Variants in AKAP13 observed in about 807,000 individuals in gnomAD.
The protein encoded by AKAP13 is A-kinase anchoring protein 13, also known as A-kinase anchor protein 13.
Under a neutral mutation model 264.5 loss-of-function variants are expected in AKAP13, and 80 were observed. The observed-to-expected ratio is 0.30, with a 90% CI of 0.25 to 0.36. AKAP13 has a LOEUF of 0.36. AKAP13 is among the 10% of genes least tolerant of loss of function. The probability of loss-of-function intolerance (pLI) is 1.00; values close to 1 mark genes in which losing one functional copy is unlikely to be tolerated. For missense variants in AKAP13, 3,712 were observed against 3,435.2 expected (o/e 1.08, Z -2.01); for synonymous variants, 1,380 against 1,250.2 (o/e 1.10, Z -2.19).
intron 6 of AKAP13, among the ~76,000 whole-genome samples, chr15:85,576,233 A>G (rs1433936964): frequency 1.3e-5 from 2 of 152,228 alleles, no homozygotes; most frequent in Non-Finnish European, 2.9e-5. Context: ...TAACTTTACA[A>G]AATGAAAGAA....
rs2079133263 is a variant in AKAP13, at chr15:85,580,930, A to C, written c.2862A>C (p.Pro954=). 53 of 1,614,128 alleles carry C rather than the reference A, an allele frequency of 3.3e-5. No homozygotes were observed. Among genetic ancestry groups the C allele is most frequent in the Non-Finnish European group, 4.5e-5 (53 of 1,180,024 alleles). The change falls in exon 7 of 37, where the codon CCA becomes CCC. Residue 954 remains proline (P), a synonymous_variant. Coordinates refer to ENST00000394518, the MANE Select transcript of AKAP13 (RefSeq NM_007200.5). ...CTTTGCAGGAAGAGCAGAGAACACCACCTCCTGGACAAGATACTCAACAAT... is the reference window on the plus strand; with the variant it reads ...CTTTGCAGGAAGAGCAGAGAACACCCCCTCCTGGACAAGATACTCAACAAT... ...SGTLQEEQRT[P]PPGQDTQQFH... is the part of the protein sequence containing the mutation.
intron 1 of AKAP13, among the ~76,000 whole-genome samples, chr15:85,442,504 T>A (rs1169287975): frequency 8.0e-5 from 8 of 100,034 alleles, no homozygotes; most frequent in South Asian, 6.0e-4. Context: ...TATATTATAT[T>A]ATATATAATA....
chr15:85,415,181 C>A, intron 1 of AKAP13: 2 of 1,196,194 alleles, frequency 1.7e-6, no homozygotes, highest in Non-Finnish European at 2.4e-6. Flanking sequence ...CACGCTGCCA[C>A]GCCGACGCAG....
intron 5 of AKAP13, among the ~76,000 whole-genome samples, chr15:85,550,226 A>G (rs1158841591): frequency 6.6e-6 from 1 of 152,074 alleles, no homozygotes; most frequent in Admixed American, 6.5e-5. Context: ...TCTCTGTTTT[A>G]TAATTGAGGA....
chr15:85,543,230 T>C (rs1469281043), intron 4 of AKAP13, among the ~76,000 whole-genome samples: 2 of 152,200 alleles, frequency 1.3e-5, no homozygotes, highest in Non-Finnish European at 2.9e-5. Context: ...CCTTATTGTG[T>C]AGGAATAAAA....
At chr15:85,733,858 T>C (rs1443828114) in intron 30 of AKAP13, among the ~76,000 whole-genome samples, 2 of 146,892 alleles carry the variant, frequency 1.4e-5, no homozygotes, top group Non-Finnish European at 3.0e-5. Context: ...TTTGTCATTT[T>C]CTTTTCTTTC....
chr15:85,420,163 G>C (rs796259818), intron 1 of AKAP13, among the ~76,000 whole-genome samples: 5 of 151,354 alleles, frequency 3.3e-5, no homozygotes, highest in African/African-American at 1.2e-4. Flanking sequence ...GGATGGTCTC[G>C]ATCTCCTGAC....
At chr15:85,710,363 G>C in intron 18 of AKAP13, 1 of 437,506 alleles carries the variant, frequency 2.3e-6, no homozygotes, top group South Asian at 4.1e-5. Flanking sequence ...GGTGAGAAAA[G>C]CATTCCAGGC....
intron 1 of AKAP13, among the ~76,000 whole-genome samples, chr15:85,381,350 T>C (rs2070246537): frequency 6.6e-6 from 1 of 151,848 alleles, no homozygotes; most frequent in Admixed American, 6.6e-5. Context: ...TCTCCGCGGC[T>C]TCTCGGGGGT....
At chr15:85,611,421 C>T (rs1272072418) in intron 8 of AKAP13, among the ~76,000 whole-genome samples, 1 of 152,210 alleles carries the variant, frequency 6.6e-6, no homozygotes, top group Non-Finnish European at 1.5e-5. Context: ...TTGTTCAGGA[C>T]AGAAACCTAG....
Position 85,684,756 on chromosome 15 carries a change from C to G in AKAP13, c.5172C>G (p.Asn1724Lys). 6.2e-7 allele frequency: 1 copy of G among 1,612,598 alleles called. No individual in the cohort carries two copies. The highest frequency in any genetic ancestry group is 1.3e-5 in the African/African-American group (1 of 75,010). ...ANLTESITEE[N>K]YNFLPHSPSK... ...TTTTATTTAGTATAACAGAAGAGAACTATAATTTCCTGCCACATAGCCCCT... is the reference window on the plus strand; with the variant it reads ...TTTTATTTAGTATAACAGAAGAGAAGTATAATTTCCTGCCACATAGCCCCT... Residue 1724 changes from asparagine to lysine, a missense_variant, in exon 16 of 37, where the codon AAC (asparagine) becomes AAG (lysine). Asn to Lys is a moderately conservative substitution (Grantham distance 94). Coordinates refer to ENST00000394518, the MANE Select transcript of AKAP13 (RefSeq NM_007200.5).
At chr15:85,722,970 C>T in intron 25 of AKAP13, 102 bp from the exon 26 acceptor site, 1 of 1,454,990 alleles carries the variant, frequency 6.9e-7, no homozygotes, top group Non-Finnish European at 9.3e-7. Flanking sequence ...ATAGCATAGT[C>T]ACAAAGGGAA....
At chr15:85,455,941 T>A (rs2074267007) in intron 1 of AKAP13, among the ~76,000 whole-genome samples, 1 of 152,234 alleles carries the variant, frequency 6.6e-6, no homozygotes, top group Non-Finnish European at 1.5e-5. Context: ...ATAGTGTGAC[T>A]TATTTATTCT....
chr15:85,482,312 C>G (rs964325565), intron 1 of AKAP13, among the ~76,000 whole-genome samples: 2 of 152,144 alleles, frequency 1.3e-5, no homozygotes, highest in Non-Finnish European at 2.9e-5. Context: ...GCTATTCCTT[C>G]TTCTGTTTTA....
intron 5 of AKAP13, among the ~76,000 whole-genome samples, chr15:85,566,405 C>T (rs1302105099): frequency 3.3e-5 from 5 of 152,116 alleles, no homozygotes; most frequent in Admixed American, 2.6e-4. Context: ...GTGGCAATAA[C>T]TTCAGTAAGC....
At chr15:85,475,901 C>T (rs1040873028) in intron 1 of AKAP13, among the ~76,000 whole-genome samples, 219 of 152,210 alleles carry the variant, frequency 1.4e-3, no homozygotes, top group African/African-American at 4.3e-3. Context: ...ATTGGGGGCT[C>T]AGTACTGTGC....
Position 85,581,668 on chromosome 15 carries a change from G to C in AKAP13, c.3600G>C (p.Glu1200Asp). 6.2e-7 allele frequency: 1 copy of C among 1,614,154 alleles called. No individual in the cohort carries two copies. The highest frequency in any genetic ancestry group is 8.5e-7 in the Non-Finnish European group (1 of 1,180,044). ...CCAAGGAGCTCCCCACAGACATGGAGCTCTCAGCCCATGATGATGGGGCCC... is the reference window on the plus strand; with the variant it reads ...CCAAGGAGCTCCCCACAGACATGGACCTCTCAGCCCATGATGATGGGGCCC... The part of the protein sequence containing the change: ...PVAKELPTDM[E>D]LSAHDDGAPA... Residue 1200 changes from glutamate (E) to aspartate (D), a missense_variant, in exon 7 of 37, where the codon GAG becomes GAC. Physicochemically the swap from Glu to Asp is conservative, Grantham distance 45 (BLOSUM62 2). Transcript: ENST00000394518.
At chr15:85,665,837 T>G (rs937036980) in intron 13 of AKAP13, among the ~76,000 whole-genome samples, 1 of 152,156 alleles carries the variant, frequency 6.6e-6, no homozygotes, top group African/African-American at 2.4e-5. Flanking sequence ...GCTTCATCCA[T>G]CTCCCTGCAA....
chr15:85,473,703 G>A (rs2075047668), intron 1 of AKAP13, among the ~76,000 whole-genome samples: 1 of 152,176 alleles, frequency 6.6e-6, no homozygotes. Flanking sequence ...GACTGCTTTG[G>A]TCATAGTAAG....
Sources: gnomAD v4.1 joint callset for allele counts (sites outside exome capture counted in the v4.1 genomes callset) on GRCh38, gnomAD v4.1.1 for gene constraint, MANE v1.5 for transcripts, NCBI Gene and HGNC (gene_info 2026-07-23, HGNC 2026-07-21) for gene names.